Variants in LCLAT1 observed in about 807,000 individuals in gnomAD.
LCLAT1 encodes 1-AGP acyltransferase 8.
In LCLAT1, 11 loss-of-function variants were observed where a neutral mutation model predicts 30.7. The ratio of observed to expected loss-of-function variants is 0.36; its 90% confidence interval spans 0.23 to 0.59. The LOEUF (loss-of-function observed/expected upper bound fraction) is 0.59. LCLAT1 is among the 20% of genes least tolerant of loss of function. The pLI is 0.77. For missense variants in LCLAT1, 402 were observed against 458.6 expected (o/e 0.88, Z 1.13); for synonymous variants, 155 against 151.3 (o/e 1.02, Z -0.18).
At chr2:30,464,212 G>A (rs1452257401) in intron 1 of LCLAT1, among the ~76,000 whole-genome samples, 1 of 151,478 alleles carries the variant, frequency 6.6e-6, no homozygotes, top group Admixed American at 6.6e-5. Context: ...TTTTTTTAGT[G>A]TTCATTTTTG....
At chr2:30,480,308 A>C (rs1683255282) in intron 1 of LCLAT1, among the ~76,000 whole-genome samples, 1 of 152,032 alleles carries the variant, frequency 6.6e-6, no homozygotes, top group Admixed American at 6.6e-5. Context: ...CTCCCACCTC[A>C]GCCTCCTGAG....
At chr2:30,584,257 A>G (rs950948204) in intron 5 of LCLAT1, among the ~76,000 whole-genome samples, 1 of 152,176 alleles carries the variant, frequency 6.6e-6, no homozygotes, top group African/African-American at 2.4e-5. Context: ...TACATGCGTG[A>G]ACCTCTCTTC....
chr2:30,625,507 C>G (rs1262721730), intron 5 of LCLAT1, among the ~76,000 whole-genome samples: 3 of 152,192 alleles, frequency 2.0e-5, no homozygotes, highest in African/African-American at 7.2e-5. Flanking sequence ...TGCCCCCTAC[C>G]TCACTGATAA....
intron 1 of LCLAT1, among the ~76,000 whole-genome samples, chr2:30,524,270 G>C (rs1048981511): frequency 1.3e-5 from 2 of 152,230 alleles, no homozygotes; most frequent in Non-Finnish European, 1.5e-5. Flanking sequence ...GAAATAGCCA[G>C]TGAAGAGTCT....
intron 5 of LCLAT1, among the ~76,000 whole-genome samples, chr2:30,593,729 T>C (rs1183451348): frequency 8.5e-5 from 13 of 152,160 alleles, no homozygotes; most frequent in Admixed American, 8.5e-4. Context: ...TCTCTTCTAA[T>C]TAATCCATTT....
intron 3 of LCLAT1, among the ~76,000 whole-genome samples, chr2:30,561,134 G>C (rs990695030): frequency 3.9e-5 from 6 of 152,044 alleles, no homozygotes; most frequent in African/African-American, 1.4e-4. Context: ...GTAGAGATAG[G>C]GTTTCACCAT....
intron 1 of LCLAT1, among the ~76,000 whole-genome samples, chr2:30,506,418 TAAGTA>T (rs945680102): frequency 1.3e-5 from 2 of 152,094 alleles, no homozygotes; most frequent in African/African-American, 2.4e-5. Context: ...TTAAAATTAA[TAAGTA>T]AAGATGAGTA....
chr2:30,564,940 A>G (rs1229466080), intron 4 of LCLAT1, among the ~76,000 whole-genome samples: 1 of 152,202 alleles, frequency 6.6e-6, no homozygotes, highest in African/African-American at 2.4e-5. Context: ...TTGGAAACAT[A>G]GAAGTATGCA....
intron 1 of LCLAT1, among the ~76,000 whole-genome samples, chr2:30,448,561 C>T (rs1355557640): frequency 6.6e-6 from 1 of 152,196 alleles, no homozygotes; most frequent in East Asian, 1.9e-4. Context: ...TCATCAATAG[C>T]TGCAATCTCT....
chr2:30,615,600 A>T (rs139745953), intron 5 of LCLAT1, among the ~76,000 whole-genome samples: 231 of 152,290 alleles, frequency 1.5e-3, no homozygotes, highest in African/African-American at 5.2e-3. Flanking sequence ...GAAAAACTTA[A>T]ATACTTCCAC....
intron 1 of LCLAT1, among the ~76,000 whole-genome samples, chr2:30,498,015 A>G (rs1397582336): frequency 5.9e-5 from 9 of 152,132 alleles, no homozygotes; most frequent in Admixed American, 5.2e-4. Context: ...TGCCAGTTAT[A>G]TGGTCTAGAT....
At chr2:30,612,753 C>G (rs1206521297) in intron 5 of LCLAT1, among the ~76,000 whole-genome samples, 1 of 152,146 alleles carries the variant, frequency 6.6e-6, no homozygotes, top group Non-Finnish European at 1.5e-5. Flanking sequence ...ATGCACCTTT[C>G]TACTGCAGGC....
At chr2:30,604,573 T>C (rs1413448303) in intron 5 of LCLAT1, among the ~76,000 whole-genome samples, 9 of 147,584 alleles carry the variant, frequency 6.1e-5, no homozygotes, top group Non-Finnish European at 1.2e-4. Context: ...TCGCTTTTTT[T>C]CCCTGGCCAT....
At chr2:30,633,543 G>T (rs1043675369) in intron 5 of LCLAT1, among the ~76,000 whole-genome samples, 1 of 152,088 alleles carries the variant, frequency 6.6e-6, no homozygotes, top group African/African-American at 2.4e-5. Context: ...AAAATTAGCT[G>T]GGCGTGGTGT....
At chr2:30,583,629 C>T (rs370871854) in intron 5 of LCLAT1, among the ~76,000 whole-genome samples, 10 of 152,066 alleles carry the variant, frequency 6.6e-5, no homozygotes, top group Non-Finnish European at 1.3e-4. Context: ...TGAAATTGTC[C>T]GAATTTGGCC....
Position 30,555,491 on chromosome 2 carries a change from T to C in LCLAT1, c.365-6655T>C, listed in dbSNP as rs77317169. On this transcript the variant is annotated intron_variant, in intron 3 of 5. Coordinates refer to ENST00000379509, the MANE Select transcript of LCLAT1 (RefSeq NM_001002257.3). Reference sequence around the variant, plus strand: ...AGTTATAATAATACAGTAATTATTATATAATTGCTGTTGCAGTAAAATAGT... The same window carrying C: ...AGTTATAATAATACAGTAATTATTACATAATTGCTGTTGCAGTAAAATAGT... Among the ~76,000 whole-genome samples, 1,453 of 152,286 alleles carry C rather than the reference T, an allele frequency of 9.5e-3. 12 individuals carry two copies. The highest frequency in any genetic ancestry group is 0.016 in the Non-Finnish European group (1,084 of 68,004).
intron 5 of LCLAT1, chr2:30,607,385 T>C (rs1667500866): frequency 6.6e-6 from 1 of 152,078 alleles, no homozygotes; most frequent in African/African-American, 2.4e-5. Flanking sequence ...TAAGAATTCC[T>C]TTGGGATATA....
At chr2:30,543,255 T>G (rs1424552839) in intron 3 of LCLAT1, among the ~76,000 whole-genome samples, 1 of 152,164 alleles carries the variant, frequency 6.6e-6, no homozygotes, top group Non-Finnish European at 1.5e-5. Context: ...TCTATTAATA[T>G]GTTAAATTGC....
At chr2:30,578,131 T>C (rs1034542219) in intron 5 of LCLAT1, among the ~76,000 whole-genome samples, 4 of 152,126 alleles carry the variant, frequency 2.6e-5, no homozygotes, top group African/African-American at 9.7e-5. Flanking sequence ...AGATTTCCTC[T>C]CCAAAATCTT....
Sources: allele counts gnomAD v4.1 joint callset (sites outside exome capture counted in the v4.1 genomes callset), GRCh38; gene constraint gnomAD v4.1.1; transcripts MANE v1.5; gene names NCBI Gene and HGNC (gene_info 2026-07-23, HGNC 2026-07-21).